Variants in GPATCH2 observed in about 807,000 individuals in gnomAD.
The protein encoded by GPATCH2 is G patch domain-containing protein 2.
GPATCH2 carries 51 observed loss-of-function variants against 58.0 expected under a neutral mutation model. The ratio of observed to expected loss-of-function variants is 0.88; its 90% CI spans 0.70 to 1.11. GPATCH2 has a LOEUF of 1.11. Among genes scored for constraint, GPATCH2 ranks in the 50% most tolerant of loss-of-function variants. The pLI is 0.00. For synonymous variants in GPATCH2, 222 were observed against 218.5 expected, an observed-to-expected ratio of 1.02 and a Z score of -0.14; for missense variants, 625 against 652.2, an observed-to-expected ratio of 0.96 and a Z score of 0.45.
At chr1:217,551,904 A>G (rs1665380344) in intron 5 of GPATCH2, among the ~76,000 whole-genome samples, 1 of 152,176 alleles carries the variant, frequency 6.6e-6, no homozygotes, top group South Asian at 2.1e-4. Context: ...TTTCATTTAA[A>G]TTATTTAGTT....
chr1:217,453,456 A>G (rs541725066), intron 8 of GPATCH2, among the ~76,000 whole-genome samples: 8 of 152,226 alleles, frequency 5.3e-5, no homozygotes, highest in Non-Finnish European at 1.0e-4. Flanking sequence ...GATTTGAAAC[A>G]TGGTTTCCCA....
At chr1:217,498,065 A>G in intron 7 of GPATCH2, 2 of 513,600 alleles carry the variant, frequency 3.9e-6, no homozygotes, top group Non-Finnish European at 7.0e-6. Context: ...AACTTTGTGA[A>G]AAATAAAGAT....
intron 8 of GPATCH2, among the ~76,000 whole-genome samples, chr1:217,476,450 C>CTTCATACT (rs1298339367): frequency 6.6e-6 from 1 of 152,112 alleles, no homozygotes; most frequent in East Asian, 1.9e-4. Context: ...CTGGATTTAA[C>CTTCATACT]TTCATACTGC....
intron 6 of GPATCH2, among the ~76,000 whole-genome samples, chr1:217,505,163 G>A (rs375055182): frequency 4.7e-4 from 71 of 152,286 alleles, no homozygotes; most frequent in African/African-American, 1.5e-3. Flanking sequence ...CATAAGGGTT[G>A]AATGTGGTTT....
intron 5 of GPATCH2, among the ~76,000 whole-genome samples, chr1:217,584,344 A>AAAAAAAAAAAAATACATATAT (rs1463910405): frequency 9.8e-6 from 1 of 101,876 alleles, no homozygotes; most frequent in Admixed American, 1.4e-4. Context: ...AAAAAAAAAA[A>AAAAAAAAAAAAATACATATAT]ATATATATAT....
At chr1:217,495,986 G>A (rs1346101408) in intron 7 of GPATCH2, among the ~76,000 whole-genome samples, 1 of 152,180 alleles carries the variant, frequency 6.6e-6, no homozygotes, top group East Asian at 1.9e-4. Flanking sequence ...TTTGTGTTAA[G>A]TTGGTATGAG....
At chr1:217,512,716 C>T (rs1662914469) in intron 6 of GPATCH2, among the ~76,000 whole-genome samples, 2 of 152,216 alleles carry the variant, frequency 1.3e-5, no homozygotes. Context: ...AATGCTAGTG[C>T]TGAAATAAAC....
Position 217,592,047 on chromosome 1 carries a change from A to AT in GPATCH2, c.1098+18273dup, listed in dbSNP as rs1426903179. ...AAGTTCACAACTTAAAGAAAGAACT[A>AT]TTTTTTGATGAACAAGAAAGACTTG... On this transcript the variant is annotated intron_variant, in intron 5 of 9. Transcript: ENST00000366935. Among the ~76,000 whole-genome samples the AT allele has an allele frequency of 2.0e-5, 3 of 152,158 alleles. No homozygotes were observed. In the East Asian group the frequency reaches 5.8e-4, roughly 29 times the overall value.
At chr1:217,475,966 A>G (rs1660949358) in intron 8 of GPATCH2, among the ~76,000 whole-genome samples, 2 of 152,164 alleles carry the variant, frequency 1.3e-5, no homozygotes, top group African/African-American at 4.8e-5. Flanking sequence ...AGGTCCAGAA[A>G]GCAAACAGTC....
chr1:217,484,641 A>G lies in GPATCH2; in HGVS notation c.1277+7039T>C, dbSNP rs190671144. ...TACACATGCATATGCACACGTGTAT[A>G]CATATATACACACATATACTTATAT... On this transcript the variant is annotated intron_variant, in intron 8 of 9. Coordinates refer to ENST00000366935, the MANE Select transcript of GPATCH2 (RefSeq NM_018040.5). Among the ~76,000 whole-genome samples, 45 of 149,454 alleles carry G rather than the reference A, an allele frequency of 3.0e-4. 1 individual carries two copies. The East Asian group carries it at 7.6e-3, about 25-fold the overall frequency.
intron 8 of GPATCH2, among the ~76,000 whole-genome samples, chr1:217,465,472 G>C (rs1333653206): frequency 6.6e-6 from 1 of 152,122 alleles, no homozygotes; most frequent in East Asian, 1.9e-4. Flanking sequence ...ATCTCAACTT[G>C]AATTGTATCT....
intron 5 of GPATCH2, among the ~76,000 whole-genome samples, chr1:217,587,074 C>G (rs10779299): frequency 0.5 from 76,175 of 151,862 alleles, 19,898 homozygotes; most frequent in East Asian, 0.92. Flanking sequence ...AGTTCTGCAA[C>G]TTTGGATGAT....
At chr1:217,584,364 T>TATATATATATATATATATATATATACAC (rs1226981154) in intron 5 of GPATCH2, among the ~76,000 whole-genome samples, 3 of 121,536 alleles carry the variant, frequency 2.5e-5, no homozygotes, top group Non-Finnish European at 3.3e-5. Context: ...TATATATATA[T>TATATATATATATATATATATATATACAC]ACACACACAC....
chr1:217,533,775 C>T (rs1012515790), intron 5 of GPATCH2, among the ~76,000 whole-genome samples: 4 of 152,146 alleles, frequency 2.6e-5, no homozygotes, highest in Admixed American at 2.0e-4. Flanking sequence ...CCTGGGTGCA[C>T]AGGTTTTCAT....
chr1:217,583,618 G>A (rs1245212637), intron 5 of GPATCH2, among the ~76,000 whole-genome samples: 2 of 147,498 alleles, frequency 1.4e-5, no homozygotes, highest in African/African-American at 5.0e-5. Context: ...TAAACAAGAA[G>A]CTATATTTGG....
chr1:217,492,068 G>C (rs1661772581), intron 7 of GPATCH2, among the ~76,000 whole-genome samples: 1 of 152,092 alleles, frequency 6.6e-6, no homozygotes, highest in Non-Finnish European at 1.5e-5. Flanking sequence ...ATGTAGCCTG[G>C]AGATGGAAGC....
intron 5 of GPATCH2, among the ~76,000 whole-genome samples, chr1:217,605,048 T>G (rs866780272): frequency 7.2e-5 from 11 of 151,900 alleles, no homozygotes; most frequent in Middle Eastern, 3.2e-3. Flanking sequence ...TAAAATAAAA[T>G]AAATGGCCCT....
chr1:217,622,161 T>A (rs1669219291), intron 1 of GPATCH2, among the ~76,000 whole-genome samples: 1 of 152,182 alleles, frequency 6.6e-6, no homozygotes, highest in South Asian at 2.1e-4. Context: ...AGATTTAATA[T>A]ACATCTATGT....
chr1:217,548,788 G>C (rs1172043480), intron 5 of GPATCH2, among the ~76,000 whole-genome samples: 3 of 152,080 alleles, frequency 2.0e-5, no homozygotes, highest in Non-Finnish European at 4.4e-5. Flanking sequence ...TCCCCTGCTG[G>C]CACTCATTCT....
Sources: allele counts gnomAD v4.1 joint callset (sites outside exome capture counted in the v4.1 genomes callset), GRCh38; gene constraint gnomAD v4.1.1; transcripts MANE v1.5; gene names NCBI Gene and HGNC (gene_info 2026-07-23, HGNC 2026-07-21).